The following CDH22 variants were observed in gnomAD, a reference collection of about 807,000 sequenced individuals.
CDH22 encodes the protein cadherin 22.
A neutral mutation model predicts 58.4 loss-of-function variants in CDH22; 30 were observed. That is an observed-to-expected ratio of 0.51 (90% confidence interval 0.38 to 0.70). CDH22 has a LOEUF of 0.70. Ranked by LOEUF, CDH22 falls within the 30% of genes least tolerant of loss-of-function variation. The probability of loss-of-function intolerance (pLI) is 0.00; values close to 1 mark genes in which losing one functional copy is unlikely to be tolerated. For missense variants in CDH22, 1,014 were observed against 1,233.9 expected, an observed-to-expected ratio of 0.82 and a Z score of 2.67; for synonymous variants, 513 against 558.2, an observed-to-expected ratio of 0.92 and a Z score of 1.14.
At chr20:46,187,726 C>T (rs2085836317) in intron 8 of CDH22, among the ~76,000 whole-genome samples, 1 of 152,128 alleles carries the variant, frequency 6.6e-6, no homozygotes, top group African/African-American at 2.4e-5. Flanking sequence ...ATCCCTGGCC[C>T]CCAACAACAC....
chr20:46,226,295 T>TTC lies in CDH22; in HGVS notation c.670+1212_670+1213insGA, dbSNP rs1600705811. Among the ~76,000 whole-genome samples the TTC allele has an allele frequency of 3.8e-5, 4 of 105,424 alleles. No individual in the cohort carries two copies. The East Asian group carries it at 9.8e-4, about 26-fold the overall frequency. The allele number at this position is 105,424 out of a possible 152,430, so 69.2% of individuals were successfully genotyped here. A position where few individuals can be genotyped will look rare whatever the true frequency, so the allele number is the denominator to read the frequency against. ...TCTTCTTCTTCTTCTTCTTCTTCTT[T>TTC]TTTTTTTTGAGACAGGGTCTTGCTC... On this transcript the variant is annotated intron_variant, in intron 4 of 11. Transcript: ENST00000537909.
At chr20:46,252,049 C>A (rs1158798085) in intron 1 of CDH22, among the ~76,000 whole-genome samples, 1 of 152,068 alleles carries the variant, frequency 6.6e-6, no homozygotes, top group Admixed American at 6.5e-5. Context: ...CAGCCCTGCC[C>A]AGCCCCCAGA....
intron 8 of CDH22, among the ~76,000 whole-genome samples, chr20:46,194,489 G>T (rs1324956591): frequency 6.6e-6 from 1 of 152,148 alleles, no homozygotes; most frequent in Admixed American, 6.5e-5. Context: ...GTCTCCCCAG[G>T]TTGGGTATGG....
At chr20:46,268,661 C>T (rs1271387387) in intron 1 of CDH22, among the ~76,000 whole-genome samples, 1 of 152,212 alleles carries the variant, frequency 6.6e-6, no homozygotes, top group African/African-American at 2.4e-5. Flanking sequence ...GCACGGCCGG[C>T]CGCTTTCTCC....
At chr20:46,252,900 C>T (rs566434580) in intron 1 of CDH22, among the ~76,000 whole-genome samples, 1 of 152,228 alleles carries the variant, frequency 6.6e-6, no homozygotes, top group Admixed American at 6.5e-5. Context: ...GGAAAGTAGG[C>T]GGGAGACAAT....
Position 46,210,397 on chromosome 20 carries a change from CCG to C in CDH22, c.1194_1195del (p.Gly399ProfsTer34). On this transcript the variant is annotated frameshift_variant, in exon 7 of 12. Transcript: ENST00000537909. LOFTEE classifies it high-confidence loss of function. This position sits in a 1 kb window ranked among gnomAD's most constrained non-coding sequence, Gnocchi z 4.5. ...CGCGTCCTCCTGCACCTCCAGGAGG[CCG>C]GAGGGCGGCCGGAACTCGGGGGGCT... 1 of 1,465,676 alleles carries C rather than the reference CCG, an allele frequency of 6.8e-7. No individual in the cohort carries two copies. Among genetic ancestry groups the C allele is most frequent in the Non-Finnish European group, 9.0e-7 (1 of 1,109,612 alleles). The allele number at this position is 1,465,676 out of a possible 1,614,324, so 90.8% of individuals were successfully genotyped here.
intron 1 of CDH22, among the ~76,000 whole-genome samples, chr20:46,272,726 G>A (rs916674642): frequency 1.3e-5 from 2 of 152,316 alleles, no homozygotes; most frequent in Non-Finnish European, 2.9e-5. Flanking sequence ...CTTGCTAAGA[G>A]TGTTGATGTC....
At chr20:46,283,600 C>T (rs1056918211) in intron 1 of CDH22, among the ~76,000 whole-genome samples, 1 of 152,058 alleles carries the variant, frequency 6.6e-6, no homozygotes, top group African/African-American at 2.4e-5. Context: ...AGTGAGTCAG[C>T]GGCAGGGAAT....
At chr20:46,220,150 CAG>C (rs1163698388) in intron 4 of CDH22, among the ~76,000 whole-genome samples, 1 of 150,592 alleles carries the variant, frequency 6.6e-6, no homozygotes, top group Non-Finnish European at 1.5e-5. Flanking sequence ...GGGGAACAGA[CAG>C]AGAGGGAGAC....
intron 1 of CDH22, among the ~76,000 whole-genome samples, chr20:46,262,189 A>G (rs886914900): frequency 7.3e-6 from 1 of 136,642 alleles, no homozygotes; most frequent in Non-Finnish European, 1.5e-5. Context: ...GGGTGTTTGC[A>G]TCTCTGAGTG....
In CDH22 at chr20:46,227,587, G is replaced by T; in HGVS notation, c.591C>A (p.Asp197Glu). The change falls in exon 4 of 12, where the codon GAC (aspartate) becomes GAA (glutamate). Residue 197 changes from aspartate (D) to glutamate (E), a missense_variant. Asp to Glu is a conservative substitution (Grantham distance 45, BLOSUM62 2). This residue lies in a region of CDH22 where 806 missense variants were observed against 1,038.7 expected (regional missense o/e 0.78). Coordinates refer to ENST00000537909, the MANE Select transcript of CDH22 (RefSeq NM_021248.3). ...VMQVMASDADDPTYGSSARLV... is the reference protein window; with the variant it reads ...VMQVMASDADEPTYGSSARLV... Reference sequence around the variant, plus strand: ...GCCGAGCGCTGCTGCCGTACGTGGGGTCATCCGCATCCGAGGCCATCACCT... The same window carrying T: ...GCCGAGCGCTGCTGCCGTACGTGGGTTCATCCGCATCCGAGGCCATCACCT... The T allele has an allele frequency of 3.1e-6, 5 of 1,613,036 alleles. No individual in the cohort carries two copies. Among genetic ancestry groups the T allele is most frequent in the Non-Finnish European group, 4.2e-6 (5 of 1,179,780 alleles).
In CDH22 at chr20:46,233,551, C is replaced by T. The variant is rs373620909; in HGVS notation, c.551-5924G>A. Among the ~76,000 whole-genome samples, 28 of 152,348 alleles carry T rather than the reference C, an allele frequency of 1.8e-4. No homozygotes were observed. In the South Asian group the frequency reaches 3.1e-3, roughly 17 times the overall value. On this transcript the variant is annotated intron_variant, in intron 3 of 11. Coordinates refer to ENST00000537909, the MANE Select transcript of CDH22 (RefSeq NM_021248.3). ...ATTCATTCTCTCAACATCTACAGAGCACCTACTATGTGCTAGACCCTCGAG... is the reference window on the plus strand; with the variant it reads ...ATTCATTCTCTCAACATCTACAGAGTACCTACTATGTGCTAGACCCTCGAG...
At chr20:46,207,102 G>A (rs1168485588) in intron 7 of CDH22, among the ~76,000 whole-genome samples, 1 of 152,212 alleles carries the variant, frequency 6.6e-6, no homozygotes, top group African/African-American at 2.4e-5. Flanking sequence ...CTGGCATGGA[G>A]GAGGAGCTGG....
chr20:46,239,137 T>A (rs1156482276), intron 3 of CDH22, among the ~76,000 whole-genome samples: 1 of 152,330 alleles, frequency 6.6e-6, no homozygotes, highest in East Asian at 1.9e-4. Flanking sequence ...TTGTCTGTCT[T>A]CCTTAGGAAG....
chr20:46,222,798 A>T (rs2072832785), intron 4 of CDH22, among the ~76,000 whole-genome samples: 1 of 152,224 alleles, frequency 6.6e-6, no homozygotes, highest in South Asian at 2.1e-4. Context: ...CACACAAGTT[A>T]ATTCCTCCTC....
chr20:46,294,033 T>C (rs1364757367), intron 1 of CDH22, among the ~76,000 whole-genome samples: 2 of 152,198 alleles, frequency 1.3e-5, no homozygotes, highest in Admixed American at 1.3e-4. Flanking sequence ...AAAACACTTA[T>C]ATTATGTTTA....
intron 1 of CDH22, among the ~76,000 whole-genome samples, chr20:46,307,089 C>G (rs2086681126): frequency 6.6e-6 from 1 of 152,200 alleles, no homozygotes; most frequent in African/African-American, 2.4e-5. Context: ...CTGGGGAGTG[C>G]TGGAATCAGC....
At chr20:46,223,637 CTT>C (rs1433643940) in intron 4 of CDH22, among the ~76,000 whole-genome samples, 102 of 149,254 alleles carry the variant, frequency 6.8e-4, no homozygotes, top group African/African-American at 2.4e-3. Context: ...TTTTTTCTTT[CTT>C]TCTTTCTTTC....
chr20:46,251,288 G>T lies in CDH22; in HGVS notation c.7C>A (p.Pro3Thr). The change falls in exon 2 of 12, where the codon CCG becomes ACG. Residue 3 changes from proline (P) to threonine (T), a missense_variant. Physicochemically the swap from Pro to Thr is conservative, Grantham distance 38. This residue lies in a region of CDH22 where 806 missense variants were observed against 1,038.7 expected (regional missense o/e 0.78). Transcript: ENST00000537909. This position sits in a 1 kb window ranked among gnomAD's most constrained non-coding sequence, Gnocchi z 6.7. Reference sequence around the variant, plus strand: ...CGGAGCCCCCTACCTTCGGGCCTCGGCCTCATCCTTGGCCTGCGCGGGGCT... The same window carrying T: ...CGGAGCCCCCTACCTTCGGGCCTCGTCCTCATCCTTGGCCTGCGCGGGGCT... MR[P>T]RPEGRGLRAG... 1 of 1,457,444 alleles carries T rather than the reference G, an allele frequency of 6.9e-7. No homozygotes were observed. Among genetic ancestry groups the T allele is most frequent in the Non-Finnish European group, 9.0e-7 (1 of 1,112,198 alleles). The allele number at this position is 1,457,444 out of a possible 1,614,324, so 90.3% of individuals were successfully genotyped here.
Sources: gnomAD v4.1 joint callset for allele counts (sites outside exome capture counted in the v4.1 genomes callset) on GRCh38, gnomAD v4.1.1 for gene constraint, gnomAD v4.1.1 regional missense constraint, Gnocchi (gnomAD v3.1) non-coding constraint, MANE v1.5 for transcripts, NCBI Gene and HGNC (gene_info 2026-07-23, HGNC 2026-07-21) for gene names.